Variants in TENM1 observed in about 807,000 individuals in gnomAD.
TENM1 encodes the protein teneurin transmembrane protein 1, also known as teneurin-1.
Under a neutral mutation model 174.8 loss-of-function variants are expected in TENM1, and 35 were observed. The ratio of observed to expected loss-of-function variants is 0.20; its 90% CI spans 0.15 to 0.27. The LOEUF is 0.27. Among genes scored for constraint, TENM1 ranks in the 10% least tolerant of loss-of-function variants. The pLI is 1.00. For missense variants in TENM1, 1,633 were observed against 2,130.1 expected (o/e 0.77, Z 4.59); for synonymous variants, 781 against 798.7 (o/e 0.98, Z 0.37).
the TENM1 span, among the ~76,000 whole-genome samples, chrX:125,122,176 T>C: frequency 4.5e-5 from 5 of 112,164 alleles, no homozygotes; most frequent in East Asian, 1.1e-3. Flanking sequence ...TGATACACAG[T>C]CCTTGGGTAA....
At chrX:124,628,885 AG>A (rs1269252150) in intron 11 of TENM1, among the ~76,000 whole-genome samples, 2 of 111,882 alleles carry the variant, frequency 1.8e-5, no homozygotes, top group African/African-American at 6.5e-5. Context: ...CTTAAAAGAA[AG>A]TAGAGAAGTC....
At chrX:124,756,541 G>A (rs1369386829) in intron 3 of TENM1, among the ~76,000 whole-genome samples, 37 of 111,688 alleles carry the variant, frequency 3.3e-4, no homozygotes, top group African/African-American at 9.1e-4. Context: ...GAGGAACTGC[G>A]TTCCTTTGGA....
At chrX:125,032,241 C>G in the TENM1 span, among the ~76,000 whole-genome samples, 13 of 109,330 alleles carry the variant, frequency 1.2e-4, no homozygotes, top group African/African-American at 4.3e-4. Context: ...GCGACCTCAG[C>G]TCACTGCAAC....
the TENM1 span, among the ~76,000 whole-genome samples, chrX:125,173,643 T>C: frequency 1.8e-5 from 2 of 111,164 alleles, no homozygotes; most frequent in African/African-American, 6.5e-5. Flanking sequence ...TTCCCTCTTG[T>C]AGCTCATGAA....
chrX:124,509,735 T>C (rs1035816936), intron 18 of TENM1, among the ~76,000 whole-genome samples: 2 of 104,886 alleles, frequency 1.9e-5, no homozygotes. Context: ...TTTTTTTTTT[T>C]TTTAGACAGA....
At chrX:124,967,234 G>A (rs1217355466), upstream of TENM1, among the ~76,000 whole-genome samples, 1 of 110,817 alleles carries the variant, frequency 9.0e-6, no homozygotes, top group Non-Finnish European at 1.9e-5. Context: ...AGATGCTATG[G>A]AAACCTAAGA....
At chrX:124,861,403 G>A (rs2056909455) in intron 3 of TENM1, among the ~76,000 whole-genome samples, 1 of 111,727 alleles carries the variant, frequency 9.0e-6, no homozygotes, top group Non-Finnish European at 1.9e-5. Context: ...AGGCTGAAGT[G>A]CTGAACTTCC....
At chrX:125,127,350 T>C in the TENM1 span, among the ~76,000 whole-genome samples, 1 of 111,607 alleles carries the variant, frequency 9.0e-6, no homozygotes, top group African/African-American at 3.3e-5. Flanking sequence ...TCATTTCTTC[T>C]TGTGCTTCAA....
At chrX:125,202,642 C>G in the TENM1 span, among the ~76,000 whole-genome samples, 1 of 108,476 alleles carries the variant, frequency 9.2e-6, no homozygotes, top group Non-Finnish European at 1.9e-5. Flanking sequence ...GAGCTGCAAA[C>G]CAGCCCCCGC....
intron 1 of TENM1, among the ~76,000 whole-genome samples, chrX:124,962,958 G>GT (rs1478484195): frequency 1.8e-5 from 2 of 112,641 alleles, no homozygotes; most frequent in East Asian, 5.6e-4. Context: ...ATTTCTACTA[G>GT]TTTTTTGTTA....
intron 14 of TENM1, among the ~76,000 whole-genome samples, chrX:124,552,536 C>A: frequency 8.9e-6 from 1 of 111,940 alleles, no homozygotes; most frequent in South Asian, 3.8e-4. Flanking sequence ...TACCATTAAA[C>A]TTTTCTGGGT....
At chrX:125,203,305 C>A in the TENM1 span, among the ~76,000 whole-genome samples, 1 of 112,673 alleles carries the variant, frequency 8.9e-6, no homozygotes, top group Non-Finnish European at 1.9e-5. Context: ...CCCAGGCGAA[C>A]GCTCCAGGGT....
At chrX:124,804,790 T>C (rs912575698) in intron 3 of TENM1, among the ~76,000 whole-genome samples, 8 of 111,941 alleles carry the variant, frequency 7.1e-5, no homozygotes. Flanking sequence ...TTTCGAGATA[T>C]AGACAAACCA....
chrX:125,157,605 G>A, the TENM1 span, among the ~76,000 whole-genome samples: 6 of 111,844 alleles, frequency 5.4e-5, no homozygotes, highest in Non-Finnish European at 1.1e-4. Flanking sequence ...CCAATAAGTC[G>A]ATGTGGTGGG....
intron 3 of TENM1, among the ~76,000 whole-genome samples, chrX:124,832,436 T>G (rs1322246420): frequency 8.9e-6 from 1 of 112,515 alleles, no homozygotes; most frequent in East Asian, 2.8e-4. Context: ...AGACTGCCAC[T>G]GCCTGTGTTT....
intron 15 of TENM1, among the ~76,000 whole-genome samples, chrX:124,544,283 G>A (rs911036841): frequency 8.9e-6 from 1 of 112,268 alleles, no homozygotes; most frequent in Admixed American, 9.4e-5. Context: ...CAGCATAGTG[G>A]TTTAGAGACT....
chrX:124,686,462 T>C lies in TENM1; in HGVS notation c.1016-14627A>G, dbSNP rs57870905. ...CTTGATTCAGCCATTCGACAATATA[T>C]ACATATTTTAAAACAATATATTGCT... On this transcript the variant is annotated intron_variant, in intron 5 of 31. Coordinates refer to ENST00000422452, the Ensembl canonical transcript of TENM1. Among the ~76,000 whole-genome samples, 1,087 of 112,190 alleles carry C rather than the reference T, an allele frequency of 9.7e-3. 13 individuals are homozygous for C. The highest frequency in any genetic ancestry group is 0.034 in the African/African-American group (1,037 of 30,893).
chrX:124,413,433 G>A (rs1010971781), intron 25 of TENM1, among the ~76,000 whole-genome samples: 1 of 111,076 alleles, frequency 9.0e-6, no homozygotes, highest in African/African-American at 3.3e-5. Context: ...TGCTGCCAGT[G>A]AAAAAAAGGA....
chrX:124,983,480 T>C, the TENM1 span, among the ~76,000 whole-genome samples: 10 of 111,765 alleles, frequency 8.9e-5, no homozygotes, highest in African/African-American at 2.3e-4. Flanking sequence ...TCTTGAATCA[T>C]GAATAAGTTG....
Sources: gnomAD v4.1 joint callset for allele counts (sites outside exome capture counted in the v4.1 genomes callset) on GRCh38, gnomAD v4.1.1 for gene constraint, MANE v1.5 for transcripts, NCBI Gene and HGNC (gene_info 2026-07-23, HGNC 2026-07-21) for gene names.